The following MYO9A variants were observed in gnomAD, a reference collection of about 807,000 sequenced individuals.
MYO9A encodes unconventional myosin-IXa.
A neutral mutation model predicts 293.3 loss-of-function variants in MYO9A; 103 were observed. That is an observed-to-expected ratio of 0.35 (90% CI 0.30 to 0.41). MYO9A has a LOEUF of 0.41. Ranked by LOEUF, MYO9A falls within the 10% of genes least tolerant of loss-of-function variation. MYO9A has a pLI of 1.00. For synonymous variants in MYO9A, 1,001 were observed against 1,035.7 expected, an observed-to-expected ratio of 0.97 and a Z score of 0.64; for missense variants, 2,685 against 3,033.0, an observed-to-expected ratio of 0.89 and a Z score of 2.69.
intron 19 of MYO9A, among the ~76,000 whole-genome samples, 174 bp downstream of exon 19, chr15:71,916,196 T>C (rs1035432252): frequency 1.2e-4 from 18 of 152,208 alleles, no homozygotes; most frequent in Non-Finnish European, 1.9e-4. Flanking sequence ...AACAAAGGCA[T>C]CTGACTTTTT....
intron 19 of MYO9A, among the ~76,000 whole-genome samples, chr15:71,910,168 G>GTATATA (rs377474158): frequency 4.7e-5 from 6 of 128,316 alleles, no homozygotes; most frequent in East Asian, 2.3e-4. Flanking sequence ...ATATATACGT[G>GTATATA]TATATATATA....
intron 1 of MYO9A, among the ~76,000 whole-genome samples, chr15:72,101,343 C>G (rs1340413015): frequency 8.8e-4 from 88 of 100,322 alleles, no homozygotes; most frequent in Non-Finnish European, 1.4e-3. Context: ...GAGGTCGGGG[C>G]GTCAGCCTCC....
chr15:72,101,146 C>T (rs1389356303), intron 1 of MYO9A, among the ~76,000 whole-genome samples: 1 of 143,242 alleles, frequency 7.0e-6, no homozygotes, highest in African/African-American at 2.6e-5. Context: ...CGGCCAGCCG[C>T]CCCGTCTGGG....
At chr15:71,901,620 G>A (rs1403743486) in intron 22 of MYO9A, among the ~76,000 whole-genome samples, 2 of 150,900 alleles carry the variant, frequency 1.3e-5, no homozygotes, top group Admixed American at 6.6e-5. Flanking sequence ...AAGCCCAGGA[G>A]TTCCAGTTCT....
chr15:72,108,501 G>A (rs538109995), intron 1 of MYO9A, among the ~76,000 whole-genome samples: 20 of 152,152 alleles, frequency 1.3e-4, no homozygotes, highest in South Asian at 4.2e-4. Flanking sequence ...AATGTCACAG[G>A]GAAGAGAAAT....
intron 2 of MYO9A, among the ~76,000 whole-genome samples, chr15:72,034,030 C>T (rs145837803): frequency 2.3e-4 from 35 of 152,304 alleles, no homozygotes; most frequent in African/African-American, 7.7e-4. Flanking sequence ...TTGTGCTAAA[C>T]TGTAACTGTG....
chr15:71,978,960 G>A (rs1483625956), intron 11 of MYO9A, among the ~76,000 whole-genome samples: 2 of 151,608 alleles, frequency 1.3e-5, no homozygotes, highest in African/African-American at 4.8e-5. Context: ...TTTTTTTAAG[G>A]AAAAAATGCA....
At chr15:72,011,204 G>A (rs1008584339) in intron 6 of MYO9A, among the ~76,000 whole-genome samples, 3 of 151,634 alleles carry the variant, frequency 2.0e-5, no homozygotes, top group African/African-American at 7.3e-5. Context: ...TAGAGACATG[G>A]TTTCACCACA....
chr15:72,033,040 G>A (rs181119647), intron 2 of MYO9A, among the ~76,000 whole-genome samples: 187 of 152,162 alleles, frequency 1.2e-3, no homozygotes, highest in African/African-American at 4.0e-3. Context: ...TAGTAAAGAT[G>A]GGGTTTCAAT....
intron 16 of MYO9A, among the ~76,000 whole-genome samples, 187 bp from the exon 17 acceptor site, chr15:71,935,671 T>C (rs1218221822): frequency 6.6e-6 from 1 of 152,170 alleles, no homozygotes; most frequent in Non-Finnish European, 1.5e-5. Flanking sequence ...TCAGAACAAA[T>C]TCCTATGAAT....
chr15:72,092,262 C>T (rs2079938310), intron 1 of MYO9A, among the ~76,000 whole-genome samples: 1 of 152,140 alleles, frequency 6.6e-6, no homozygotes, highest in Admixed American at 6.5e-5. Flanking sequence ...GTAAAATGAA[C>T]AAAAGTAAAC....
At chr15:72,067,932 A>C (rs961784022) in intron 1 of MYO9A, among the ~76,000 whole-genome samples, 4 of 152,182 alleles carry the variant, frequency 2.6e-5, no homozygotes, top group African/African-American at 9.7e-5. Flanking sequence ...CTCTGTAGAA[A>C]CCCCCTCAAG....
intron 1 of MYO9A, among the ~76,000 whole-genome samples, chr15:72,081,085 G>A (rs544324665): frequency 3.3e-5 from 5 of 152,294 alleles, no homozygotes; most frequent in South Asian, 4.1e-4. Flanking sequence ...TATACACCCA[G>A]TAATGAGATT....
chr15:72,102,498 TTAAAAA>T (rs1395733014), intron 1 of MYO9A, among the ~76,000 whole-genome samples: 1 of 141,832 alleles, frequency 7.1e-6, no homozygotes, highest in East Asian at 2.0e-4. Context: ...ATAAATAAAT[TTAAAAA>T]AAAAAAAAAA....
chr15:72,055,761 G>A (rs1409765056), intron 1 of MYO9A, among the ~76,000 whole-genome samples: 2 of 151,998 alleles, frequency 1.3e-5, no homozygotes, highest in African/African-American at 4.8e-5. Context: ...ATAACAATGT[G>A]ATACCACCTT....
At chr15:72,115,957 T>C (rs2080956197) in intron 1 of MYO9A, among the ~76,000 whole-genome samples, 1 of 152,192 alleles carries the variant, frequency 6.6e-6, no homozygotes, top group Non-Finnish European at 1.5e-5. Context: ...AGCCAGTAAA[T>C]GAGGCACTTC....
intron 26 of MYO9A, chr15:71,893,222 G>T: frequency 6.6e-6 from 8 of 1,211,132 alleles, no homozygotes; most frequent in Non-Finnish European, 8.4e-6. Flanking sequence ...AATGTTTGGG[G>T]TTTTTGTTCT....
intron 1 of MYO9A, among the ~76,000 whole-genome samples, chr15:72,057,601 A>C (rs2078757858): frequency 6.6e-6 from 1 of 152,220 alleles, no homozygotes; most frequent in Admixed American, 6.5e-5. Flanking sequence ...TCTTAGCCAC[A>C]GTGGCTGACT....
At chr15:72,087,056 G>GC (rs1185380457) in intron 1 of MYO9A, among the ~76,000 whole-genome samples, 7 of 152,066 alleles carry the variant, frequency 4.6e-5, no homozygotes, top group Non-Finnish European at 1.0e-4. Context: ...ATGAGCCACC[G>GC]CCCCGGCCCA....
Sources: gnomAD v4.1 joint callset for allele counts (sites outside exome capture counted in the v4.1 genomes callset) on GRCh38, gnomAD v4.1.1 for gene constraint, MANE v1.5 for transcripts, NCBI Gene and HGNC (gene_info 2026-07-23, HGNC 2026-07-21) for gene names.